The following ACOT12 variants were observed in gnomAD, a reference collection of about 807,000 sequenced individuals.
ACOT12 encodes the protein acetyl-coenzyme A thioesterase.
ACOT12 carries 51 observed loss-of-function variants against 67.7 expected under a neutral mutation model. The ratio of observed to expected loss-of-function variants is 0.75; its 90% confidence interval spans 0.60 to 0.95. The LOEUF (loss-of-function observed/expected upper bound fraction) is 0.95. Ranked by LOEUF, ACOT12 falls within the 40% of genes least tolerant of loss-of-function variation. The pLI is 0.00. For synonymous variants in ACOT12, 251 were observed against 244.6 expected (o/e 1.03, Z -0.24); for missense variants, 734 against 708.1 (o/e 1.04, Z -0.41).
At chr5:81,391,685 C>T (rs6452406) in intron 1 of ACOT12, among the ~76,000 whole-genome samples, 83,729 of 152,016 alleles carry the variant, frequency 0.55, 25,309 homozygotes, top group African/African-American at 0.8. Flanking sequence ...GAGACCAGAA[C>T]GAATGGAGAT....
intron 2 of ACOT12, among the ~76,000 whole-genome samples, chr5:81,379,044 G>A (rs949773910): frequency 6.6e-6 from 1 of 151,988 alleles, no homozygotes; most frequent in Non-Finnish European, 1.5e-5. Context: ...TATTTATTGT[G>A]GCACTGTTCA....
chr5:81,335,661 T>C (rs1461883953), intron 12 of ACOT12, 107 bp downstream of exon 12: 1 of 1,347,240 alleles, frequency 7.4e-7, no homozygotes, highest in Non-Finnish European at 1.0e-6. Context: ...AAAATACTCT[T>C]TAAACAATGG....
intron 11 of ACOT12, among the ~76,000 whole-genome samples, chr5:81,340,099 A>G (rs1759143149): frequency 1.3e-5 from 2 of 151,400 alleles, no homozygotes; most frequent in South Asian, 4.2e-4. Flanking sequence ...GTGCAGCTGC[A>G]CAATCTCGGC....
chr5:81,311,250 A>G, the ACOT12 span: 3 of 1,614,154 alleles, frequency 1.9e-6, no homozygotes, highest in Admixed American at 3.3e-5. Context: ...GAACATTTAA[A>G]GAAAGATTGC....
In ACOT12 at chr5:81,338,897, A is replaced by G. The variant is rs147460710; in HGVS notation, c.1129-2996T>C. On this transcript the variant is annotated intron_variant, in intron 11 of 14. Coordinates refer to ENST00000307624, the MANE Select transcript of ACOT12 (RefSeq NM_130767.3). ...AGGAGTTTGAGACCAACCTGGAAAC[A>G]TGGTGAAACCCTGTCTCTACTGAAA... Among the ~76,000 whole-genome samples, 103 of 152,314 alleles carry G rather than the reference A, an allele frequency of 6.8e-4. No homozygotes were observed. The East Asian group carries it at 0.015, about 23-fold the overall frequency.
At chr5:81,388,498 G>A (rs1302005731) in intron 1 of ACOT12, among the ~76,000 whole-genome samples, 1 of 152,214 alleles carries the variant, frequency 6.6e-6, no homozygotes, top group Non-Finnish European at 1.5e-5. Flanking sequence ...ACAAAGAGAA[G>A]CTAAGTGATT....
At chr5:81,369,157 A>G (rs1240777673) in intron 3 of ACOT12, among the ~76,000 whole-genome samples, 1 of 151,900 alleles carries the variant, frequency 6.6e-6, no homozygotes, top group African/African-American at 2.4e-5. Flanking sequence ...CTAAGGACAA[A>G]AAAAAAAAAA....
chr5:81,311,293 G>A, the ACOT12 span: 1 of 1,613,514 alleles, frequency 6.2e-7, no homozygotes, highest in Non-Finnish European at 8.5e-7. Flanking sequence ...AGATCTCTGG[G>A]CCTCTACTTA....
At chr5:81,363,080 A>G (rs935227305) in intron 4 of ACOT12, among the ~76,000 whole-genome samples, 1 of 152,062 alleles carries the variant, frequency 6.6e-6, no homozygotes, top group Non-Finnish European at 1.5e-5. Context: ...CTCTGGGATG[A>G]TCCTTGGAGT....
intron 3 of ACOT12, among the ~76,000 whole-genome samples, chr5:81,371,397 C>T (rs998335726): frequency 6.6e-6 from 1 of 151,828 alleles, no homozygotes; most frequent in Non-Finnish European, 1.5e-5. Flanking sequence ...GGGCTACAGG[C>T]ACTTACCACT....
At chr5:81,365,947 T>A (rs552258069) in intron 3 of ACOT12, among the ~76,000 whole-genome samples, 1 of 152,252 alleles carries the variant, frequency 6.6e-6, no homozygotes, top group African/African-American at 2.4e-5. Flanking sequence ...CTGGACCATA[T>A]ACAGGGTGAA....
intron 12 of ACOT12, among the ~76,000 whole-genome samples, chr5:81,334,224 A>C (rs1758922540): frequency 6.6e-6 from 1 of 152,198 alleles, no homozygotes; most frequent in Admixed American, 6.5e-5. Context: ...CACTAACGCA[A>C]GAATCCAGGA....
intron 6 of ACOT12, 28 bp from the exon 7 acceptor site, chr5:81,346,032 A>G: frequency 6.2e-7 from 1 of 1,609,398 alleles, no homozygotes; most frequent in Non-Finnish European, 8.5e-7. Flanking sequence ...GGGAGAGAGA[A>G]GAAAGCGATC....
intron 5 of ACOT12, among the ~76,000 whole-genome samples, chr5:81,353,195 C>T (rs1180617245): frequency 3.3e-5 from 5 of 152,160 alleles, no homozygotes; most frequent in African/African-American, 4.8e-5. Flanking sequence ...TGAGATTATA[C>T]GTGCACCAGC....
chr5:81,385,397 G>C (rs910923006), intron 2 of ACOT12, among the ~76,000 whole-genome samples: 3 of 152,142 alleles, frequency 2.0e-5, no homozygotes, highest in African/African-American at 7.2e-5. Flanking sequence ...AGCCCAGGAG[G>C]AATAGGTTGC....
intron 1 of ACOT12, among the ~76,000 whole-genome samples, chr5:81,391,082 C>T (rs887490038): frequency 1.3e-5 from 2 of 152,152 alleles, no homozygotes; most frequent in South Asian, 4.1e-4. Flanking sequence ...ATCTGTCTAC[C>T]TAGAGATGGG....
intron 3 of ACOT12, 36 bp from the exon 4 acceptor site, chr5:81,363,925 G>A (rs1561340961): frequency 2.1e-6 from 3 of 1,441,876 alleles, no homozygotes; most frequent in Admixed American, 4.3e-5. Flanking sequence ...TACACTCTTG[G>A]CCAGTTCAGA....
intron 2 of ACOT12, among the ~76,000 whole-genome samples, chr5:81,372,379 A>G (rs145332353): frequency 3.4e-3 from 515 of 152,274 alleles, no homozygotes; most frequent in Non-Finnish European, 5.8e-3. Context: ...CCTTCCCCTT[A>G]GCAGAAGGTA....
At chr5:81,358,338 AG>A (rs1328454717) in intron 5 of ACOT12, among the ~76,000 whole-genome samples, 2 of 152,184 alleles carry the variant, frequency 1.3e-5, no homozygotes, top group African/African-American at 4.8e-5. Context: ...TTGGGATTTA[AG>A]GGATGAGGAG....
Sources: allele counts gnomAD v4.1 joint callset (sites outside exome capture counted in the v4.1 genomes callset), GRCh38; gene constraint gnomAD v4.1.1; transcripts MANE v1.5; gene names NCBI Gene and HGNC (gene_info 2026-07-23, HGNC 2026-07-21).